The following SPATA31C1 variants were observed in gnomAD, a reference collection of about 807,000 sequenced individuals.
SPATA31C1 encodes the protein spermatogenesis-associated protein 31C1.
exon 5 of SPATA31C1, chr9:87,921,038 G>A (rs758242014): frequency 1.6e-5 from 25 of 1,611,512 alleles, no homozygotes; most frequent in Admixed American, 5.0e-5. Context: ...TTCTATCCCC[G>A]ATGAAGAACA....
At chr9:87,920,035 C>G in intron 4 of SPATA31C1, 59 bp downstream of exon 3, 2 of 1,608,548 alleles carry the variant, frequency 1.2e-6, no homozygotes, top group Non-Finnish European at 1.7e-6. Context: ...GACCCCAGGG[C>G]CACAGGCAGC....
At chr9:87,923,202 C>T (rs1828927156) in exon 5 of SPATA31C1, 2 of 1,603,194 alleles carry the variant, frequency 1.2e-6, no homozygotes, top group Admixed American at 3.4e-5. Context: ...CTGTGGGTTT[C>T]CCTGCAACCA....
chr9:87,921,705 G>A (rs1167407759), exon 5 of SPATA31C1: 16 of 1,611,932 alleles, frequency 9.9e-6, no homozygotes, highest in African/African-American at 4.0e-5. Flanking sequence ...CTTGATCCCC[G>A]TGAGTGTGCG....
rs200772581 is a variant in SPATA31C1, at chr9:87,920,817, A to G, written n.1207A>G. ...GCAGGAGACTACCAAAACCTGGTGCATCTTCAACTCGTCAGTCCAGCAAGA... is the reference window on the plus strand; with the variant it reads ...GCAGGAGACTACCAAAACCTGGTGCGTCTTCAACTCGTCAGTCCAGCAAGA... On this transcript the variant is annotated non_coding_transcript_exon_variant, in exon 5 of 5. Coordinates refer to ENST00000420021, the Ensembl canonical transcript of SPATA31C1. 572 of 1,613,228 alleles carry G rather than the reference A, an allele frequency of 3.5e-4. 2 individuals are homozygous for G. The Admixed American group carries it at 5.6e-3, about 16-fold the overall frequency.
chr9:87,919,690 T>C (rs1176371774), intron 3 of SPATA31C1, among the ~76,000 whole-genome samples: 25 of 98,244 alleles, frequency 2.5e-4, no homozygotes, highest in African/African-American at 9.4e-4. Flanking sequence ...CACAGGGCAG[T>C]TGTGAGGACC....
chr9:87,920,787 T>G (rs1828836077), exon 5 of SPATA31C1: 1 of 1,613,824 alleles, frequency 6.2e-7, no homozygotes, highest in Admixed American at 1.7e-5. Flanking sequence ...TGCCCTCTCC[T>G]GGTCGCAGGA....
chr9:87,922,591 C>T (rs1828903726), exon 5 of SPATA31C1: 5 of 1,609,198 alleles, frequency 3.1e-6, no homozygotes, highest in Non-Finnish European at 8.5e-7. Flanking sequence ...TCTGTTGTGC[C>T]CCATGCTTCA....
chr9:87,921,307 G>A (rs752422156), exon 5 of SPATA31C1: 4 of 1,612,016 alleles, frequency 2.5e-6, no homozygotes, highest in Non-Finnish European at 3.4e-6. Context: ...GGGCAACGTG[G>A]AAGGATCCAA....
intron 4 of SPATA31C1, 79 bp from the exon 4 acceptor site, chr9:87,920,173 G>C: frequency 1.9e-6 from 3 of 1,602,902 alleles, no homozygotes; most frequent in African/African-American, 1.3e-5. Context: ...GTGGTGGAGG[G>C]GCTGTGGCCC....
chr9:87,920,922 T>A, exon 5 of SPATA31C1: 1 of 1,613,210 alleles, frequency 6.2e-7, no homozygotes, highest in African/African-American at 1.3e-5. Flanking sequence ...GGGGCCTGAG[T>A]CCCAACCCTT....
chr9:87,923,141 G>A (rs779815979), exon 5 of SPATA31C1: 36 of 1,603,274 alleles, frequency 2.2e-5, no homozygotes, highest in Non-Finnish European at 2.7e-5. Context: ...TTTGCCATGC[G>A]CGCCATGCCT....
rs781770695 is a variant in SPATA31C1, at chr9:87,922,181, T to C, written n.2571T>C. On this transcript the variant is annotated non_coding_transcript_exon_variant, in exon 5 of 5. Coordinates refer to ENST00000420021, the Ensembl canonical transcript of SPATA31C1. The stretch of plus-strand genomic sequence containing the variant: ...CCCCGCGAGGGATCCCATCTTCAAA[T>C]GATCATGGGTCCTTGAAGGCTCCTA... 4.2e-5 allele frequency: 68 copies of C among 1,613,238 alleles called. No individual in the cohort carries two copies. The African/African-American group carries it at 6.3e-4, about 15-fold the overall frequency.
Position 87,920,740 on chromosome 9 carries a change from C to G in SPATA31C1, n.1130C>G, listed in dbSNP as rs548729484. 6.4e-4 allele frequency: 1,024 copies of G among 1,612,566 alleles called. 7 individuals carry two copies. The African/African-American group carries it at 9.9e-3, about 16-fold the overall frequency. The stretch of plus-strand genomic sequence containing the variant: ...GAGGATTTGGCGGCTTCTGTCCCAG[C>G]CATCTCAGGCCTTGGCGGCTCAAAC... On this transcript the variant is annotated non_coding_transcript_exon_variant, in exon 5 of 5. Transcript: ENST00000420021.
At chr9:87,920,962 C>T in exon 5 of SPATA31C1, 1 of 1,613,078 alleles carries the variant, frequency 6.2e-7, no homozygotes, top group East Asian at 2.2e-5. Flanking sequence ...TTCCGGCCCA[C>T]ACCTATGGCT....
chr9:87,915,070 G>GC (rs1311245898), intron 1 of SPATA31C1, among the ~76,000 whole-genome samples: 256 of 38,008 alleles, frequency 6.7e-3, no homozygotes, highest in African/African-American at 0.021. Flanking sequence ...TCCCTTCCTG[G>GC]GGCAGGTGGC....
At chr9:87,923,097 G>A (rs760588266) in exon 5 of SPATA31C1, 1 of 1,602,832 alleles carries the variant, frequency 6.2e-7, no homozygotes, top group South Asian at 1.1e-5. Flanking sequence ...GCTCATGACA[G>A]CAGTTGGACA....
exon 5 of SPATA31C1, chr9:87,921,627 G>C (rs775315758): frequency 3.7e-6 from 6 of 1,612,048 alleles, no homozygotes; most frequent in Non-Finnish European, 5.1e-6. Context: ...AAGACGCACA[G>C]AGAGGAATCA....
In SPATA31C1 at chr9:87,919,066, G is replaced by A. The variant is rs367785498; in HGVS notation, n.523-225G>A. On this transcript the variant is annotated intron_variant and non_coding_transcript_variant, in intron 2 of 4. Coordinates refer to ENST00000420021, the Ensembl canonical transcript of SPATA31C1. ...ATTATAGGCGTGAGCCACCGCACCC[G>A]ACCCCCTCTTCCTGTTTTTCTAAGA... 1.4e-5 allele frequency: 13 copies of A among 938,882 alleles called. No individual in the cohort carries two copies. The East Asian group carries it at 2.5e-4, about 18-fold the overall frequency. The allele number at this position is 938,882 out of a possible 1,614,324, so 58.2% of individuals were successfully genotyped here.
exon 5 of SPATA31C1, chr9:87,922,050 G>A (rs2118000127): frequency 6.2e-7 from 1 of 1,613,962 alleles, no homozygotes; most frequent in Non-Finnish European, 8.5e-7. Context: ...GCTCCTTGGA[G>A]AGCCACCAAT....
Sources: gnomAD v4.1 joint callset for allele counts (sites outside exome capture counted in the v4.1 genomes callset) on GRCh38, gnomAD v4.1.1 for gene constraint, MANE v1.5 for transcripts, NCBI Gene and HGNC (gene_info 2026-07-23, HGNC 2026-07-21) for gene names.